FAM222A: variants seen among roughly 807,000 people sequenced by gnomAD.
FAM222A encodes the protein family with sequence similarity 222 member A, also known as protein FAM222A.
Under a neutral mutation model 25.8 loss-of-function variants are expected in FAM222A, and 7 were observed. That is an observed-to-expected ratio of 0.27 (90% CI 0.15 to 0.51). FAM222A has a LOEUF of 0.51. FAM222A is among the 20% of genes least tolerant of loss of function. The pLI, the probability that FAM222A is intolerant of heterozygous loss-of-function variation, is 0.97. For synonymous variants in FAM222A, 294 were observed against 298.8 expected, an observed-to-expected ratio of 0.98 and a Z score of 0.17; for missense variants, 573 against 640.5, an observed-to-expected ratio of 0.89 and a Z score of 1.14.
At chr12:109,726,119 T>C (rs1156307868) in intron 1 of FAM222A, among the ~76,000 whole-genome samples, 6 of 110,382 alleles carry the variant, frequency 5.4e-5, no homozygotes, top group Non-Finnish European at 1.1e-4. Flanking sequence ...AAAAAATTGC[T>C]AAAAAAAAAA....
At position 109,730,198 on chromosome 12, in the gene FAM222A, T is replaced by C. The variant is rs372088364; in HGVS notation, c.-46-13903T>C. 1.3e-3 allele frequency among the ~76,000 whole-genome samples: 193 copies of C among 152,268 alleles called. 1 individual carries two copies. The highest frequency in any genetic ancestry group is 4.5e-3 in the African/African-American group (186 of 41,540). On this transcript the variant is annotated intron_variant, in intron 1 of 2. Transcript: ENST00000538780. ...CCTTACCCTACAGGCCGAGGGGCTG[T>C]TGGTGTGATGATTATTACGGAGCCA...
chr12:109,769,055 G>C lies in FAM222A; in HGVS notation c.1126G>C (p.Ala376Pro). The C allele has an allele frequency of 1.3e-6, 2 of 1,590,918 alleles. No homozygotes were observed. Among genetic ancestry groups the C allele is most frequent in the South Asian group, 2.3e-5 (2 of 88,650 alleles). Residue 376 changes from alanine (A) to proline (P), a missense_variant, in exon 3 of 3, where the codon GCA becomes CCA. Around this residue, in one of 3 missense-constraint regions of FAM222A, gnomAD observed 412 missense variants for 407.0 expected, o/e 1.01. Coordinates refer to ENST00000538780, the MANE Select transcript of FAM222A (RefSeq NM_032829.3). ...AVVVTELGPG[A>P]ARELAGPPAD... ...GGTGGTCACGGAGCTGGGGCCGGGG[G>C]CAGCCCGGGAGCTGGCTGGGCCCCC...
chr12:109,742,575 C>A (rs1365005675), intron 1 of FAM222A, among the ~76,000 whole-genome samples: 1 of 151,556 alleles, frequency 6.6e-6, no homozygotes, highest in East Asian at 1.9e-4. Flanking sequence ...AATCACCTCC[C>A]CTCCCCTCCA....
chr12:109,727,902 A>G (rs115144084), intron 1 of FAM222A, among the ~76,000 whole-genome samples: 1,636 of 152,258 alleles, frequency 0.011, 25 homozygotes, highest in Middle Eastern at 0.037. Context: ...CTGTCCCTCA[A>G]TCGTGGCGGG....
At chr12:109,743,882 A>G (rs1888313497) in intron 1 of FAM222A, 1 of 985,198 alleles carries the variant, frequency 1.0e-6, no homozygotes, top group South Asian at 4.7e-5. Context: ...TCCAGCCCCC[A>G]CTCAAGAGCC....
At chr12:109,717,304 G>A (rs932397591) in intron 1 of FAM222A, among the ~76,000 whole-genome samples, 16 of 152,256 alleles carry the variant, frequency 1.1e-4, no homozygotes, top group Non-Finnish European at 2.1e-4. Context: ...GAAAGAAGGT[G>A]TAGCTTGAAA....
At chr12:109,743,826 G>T in intron 1 of FAM222A, 4 of 985,296 alleles carry the variant, frequency 4.1e-6, no homozygotes, top group Non-Finnish European at 4.8e-6. Context: ...CCCCAGAGCA[G>T]ATGACCCAGA....
chr12:109,744,748 T>G, intron 2 of FAM222A: 1 of 985,418 alleles, frequency 1.0e-6, no homozygotes, highest in Non-Finnish European at 1.2e-6. Flanking sequence ...TTGGTTATTT[T>G]TAGCTATCAT....
intron 1 of FAM222A, among the ~76,000 whole-genome samples, chr12:109,741,873 C>T (rs565628082): frequency 6.6e-6 from 1 of 152,346 alleles, no homozygotes; most frequent in South Asian, 2.1e-4. Context: ...TGCAGCCAAG[C>T]TCAGTGGTGA....
intron 2 of FAM222A, among the ~76,000 whole-genome samples, chr12:109,757,777 G>A (rs575990197): frequency 1.3e-5 from 2 of 152,194 alleles, no homozygotes; most frequent in Admixed American, 6.5e-5. Flanking sequence ...GGGGCGGGAC[G>A]GGTAGGTGAG....
chr12:109,751,451 A>G (rs1027091377), intron 2 of FAM222A, among the ~76,000 whole-genome samples: 1 of 152,044 alleles, frequency 6.6e-6, no homozygotes, highest in Non-Finnish European at 1.5e-5. Context: ...AATTTAGATT[A>G]TTTTTATTAG....
At chr12:109,766,006 A>G (rs1327631939) in intron 2 of FAM222A, among the ~76,000 whole-genome samples, 3 of 152,232 alleles carry the variant, frequency 2.0e-5, no homozygotes, top group Non-Finnish European at 4.4e-5. Flanking sequence ...ATGAGGAAGC[A>G]GAGGCCGAGT....
chr12:109,738,030 AAGG>A (rs1157442920), intron 1 of FAM222A, among the ~76,000 whole-genome samples: 9 of 152,052 alleles, frequency 5.9e-5, no homozygotes, highest in African/African-American at 2.2e-4. Context: ...AGACAGCAGG[AAGG>A]AGAAGGGAGG....
At chr12:109,759,793 G>A (rs1293000383) in intron 2 of FAM222A, among the ~76,000 whole-genome samples, 4 of 152,180 alleles carry the variant, frequency 2.6e-5, no homozygotes, top group East Asian at 1.9e-4. Context: ...GCCTGGGAGC[G>A]GGATTCTTTG....
chr12:109,758,926 G>A (rs765803679), intron 2 of FAM222A, among the ~76,000 whole-genome samples: 6 of 152,178 alleles, frequency 3.9e-5, no homozygotes, highest in South Asian at 2.1e-4. Context: ...AGCGTGCAAC[G>A]GCTTGAGAAA....
chr12:109,739,867 T>G (rs1592786104), intron 1 of FAM222A, among the ~76,000 whole-genome samples: 5 of 152,286 alleles, frequency 3.3e-5, no homozygotes, highest in Admixed American at 1.3e-4. Context: ...AGCTGTGAAA[T>G]GGAGCCACAG....
rs543121570 is a variant in FAM222A at position 109,764,877 on chromosome 12, G to A, written c.83-3135G>A. On this transcript the variant is annotated intron_variant, in intron 2 of 2. Coordinates refer to ENST00000538780, the MANE Select transcript of FAM222A (RefSeq NM_032829.3). ...TCCAATCTCGGAGAAAGATTCCCCC[G>A]TTGGCCAAAGTGACATTTCCATTCT... Among the ~76,000 whole-genome samples the A allele has an allele frequency of 8.5e-5, 13 of 152,248 alleles. No homozygotes were observed. In the South Asian group the frequency reaches 1.0e-3, roughly 12 times the overall value.
intron 1 of FAM222A, among the ~76,000 whole-genome samples, chr12:109,721,752 G>A (rs1435832305): frequency 6.6e-6 from 1 of 152,172 alleles, no homozygotes; most frequent in African/African-American, 2.4e-5. Context: ...TCCCACTTGT[G>A]TTCATCCATG....
At chr12:109,746,997 A>T (rs1467627965) in intron 2 of FAM222A, among the ~76,000 whole-genome samples, 1 of 152,230 alleles carries the variant, frequency 6.6e-6, no homozygotes, top group Non-Finnish European at 1.5e-5. Context: ...CAAAATCTGA[A>T]ATGCTCCAAT....
Sources: gnomAD v4.1 joint callset for allele counts (sites outside exome capture counted in the v4.1 genomes callset) on GRCh38, gnomAD v4.1.1 for gene constraint, gnomAD v4.1.1 regional missense constraint, MANE v1.5 for transcripts, NCBI Gene and HGNC (gene_info 2026-07-23, HGNC 2026-07-21) for gene names.